PTPRN2: variants seen among roughly 807,000 people sequenced by gnomAD.
PTPRN2 encodes receptor-type tyrosine-protein phosphatase N2.
In PTPRN2, 74 loss-of-function variants were observed where a neutral mutation model predicts 118.8. The ratio of observed to expected loss-of-function variants is 0.62; its 90% CI spans 0.52 to 0.76. PTPRN2 has a LOEUF of 0.76. PTPRN2 is among the 30% of genes least tolerant of loss of function. The probability of loss-of-function intolerance (pLI) is 0.00; values close to 1 mark genes in which losing one functional copy is unlikely to be tolerated. For synonymous variants in PTPRN2, 641 were observed against 608.0 expected (o/e 1.05, Z -0.80); for missense variants, 1,481 against 1,394.4 (o/e 1.06, Z -0.99).
In PTPRN2 at chr7:157,881,623, ATGCGTCTC is replaced by A. The variant is rs1361712244; in HGVS notation, c.1788+17042_1788+17049del. ...AGGCCAAGCCCCTGTGACTGCAGGG[ATGCGTCTC>A]TGCCTACGAGAAAGGAGAGGATTTC... On this transcript the variant is annotated intron_variant, in intron 12 of 22. Transcript: ENST00000389418. The surrounding 1 kb of genome is among the most constrained non-coding windows in gnomAD (Gnocchi z 4.7). Among the ~76,000 whole-genome samples the A allele has an allele frequency of 5.9e-5, 9 of 152,286 alleles. No individual in the cohort carries two copies. In the East Asian group the frequency reaches 1.7e-3, roughly 29 times the overall value.
intron 2 of PTPRN2, among the ~76,000 whole-genome samples, chr7:158,447,157 T>C (rs926738227): frequency 6.6e-6 from 1 of 152,166 alleles, no homozygotes; most frequent in African/African-American, 2.4e-5. Context: ...GACAGAGCCA[T>C]GAATCCACAG....
chr7:157,850,736 T>C (rs1809214437), intron 12 of PTPRN2, among the ~76,000 whole-genome samples: 2 of 152,114 alleles, frequency 1.3e-5, no homozygotes, highest in African/African-American at 4.8e-5. Context: ...GCAGGGCAGG[T>C]GCAGGCTGGG....
Position 158,133,995 on chromosome 7 carries a change from C to G in PTPRN2, c.1238G>C (p.Gly413Ala). ...LQDHGSRLLP[G>A]ALPFARPLDM... Reference sequence around the variant, plus strand: ...GAGGGGCCTTGCAAAGGGGAGGGCTCCAGGTAAGAGTCGAGACCCGTGGTC... The same window carrying G: ...GAGGGGCCTTGCAAAGGGGAGGGCTGCAGGTAAGAGTCGAGACCCGTGGTC... The change falls in exon 9 of 23, where the codon GGA (glycine) becomes GCA (alanine). Residue 413 changes from glycine (G) to alanine (A), a missense_variant. Gly to Ala is a moderately conservative substitution (Grantham distance 60). Around this residue, in one of 3 missense-constraint regions of PTPRN2, gnomAD observed 1,115 missense variants for 994.2 expected, o/e 1.12. Coordinates refer to ENST00000389418, the MANE Select transcript of PTPRN2 (RefSeq NM_002847.5). 1 of 1,613,992 alleles carries G rather than the reference C, an allele frequency of 6.2e-7. No individual in the cohort carries two copies. Among genetic ancestry groups the G allele is most frequent in the East Asian group, 2.2e-5 (1 of 44,876 alleles).
chr7:158,368,754 C>T (rs1046360763), intron 2 of PTPRN2, among the ~76,000 whole-genome samples: 1 of 152,180 alleles, frequency 6.6e-6, no homozygotes, highest in Non-Finnish European at 1.5e-5. Flanking sequence ...CCACCATCCT[C>T]GACCCCCCAA....
chr7:157,581,102 C>G (rs929535789), intron 17 of PTPRN2, among the ~76,000 whole-genome samples: 2 of 150,642 alleles, frequency 1.3e-5, no homozygotes, highest in Middle Eastern at 3.2e-3. Flanking sequence ...CACTCCAGCA[C>G]CTGCACACCC....
At chr7:157,604,817 A>G (rs1801904054) in intron 15 of PTPRN2, among the ~76,000 whole-genome samples, 1 of 152,192 alleles carries the variant, frequency 6.6e-6, no homozygotes, top group South Asian at 2.1e-4. Flanking sequence ...CGTGTGTGAT[A>G]TGAGAGCTGT....
At chr7:158,017,934 A>G (rs1806568089) in intron 11 of PTPRN2, among the ~76,000 whole-genome samples, 1 of 152,132 alleles carries the variant, frequency 6.6e-6, no homozygotes, top group Admixed American at 6.5e-5. Flanking sequence ...GCCTCTGCTC[A>G]GAGATGGTCA....
At chr7:158,260,289 G>T (rs1426306321) in intron 3 of PTPRN2, among the ~76,000 whole-genome samples, 1 of 152,196 alleles carries the variant, frequency 6.6e-6, no homozygotes, top group African/African-American at 2.4e-5. Context: ...AAGTCAGCTA[G>T]CTTGACAAAA....
intron 12 of PTPRN2, among the ~76,000 whole-genome samples, chr7:157,814,890 G>A (rs1011996908): frequency 6.6e-6 from 1 of 152,206 alleles, no homozygotes; most frequent in African/African-American, 2.4e-5. Flanking sequence ...AGAAGCGCAC[G>A]AGTCCCAGAT....
At chr7:158,120,689 C>A (rs1817092320) in intron 9 of PTPRN2, among the ~76,000 whole-genome samples, 1 of 152,224 alleles carries the variant, frequency 6.6e-6, no homozygotes, top group East Asian at 1.9e-4. Flanking sequence ...CAGATGTCCT[C>A]TCTTTTCCTG....
chr7:158,081,677 TAGAGAA>T (rs1812855503), intron 10 of PTPRN2, among the ~76,000 whole-genome samples: 1 of 152,156 alleles, frequency 6.6e-6, no homozygotes, highest in African/African-American at 2.4e-5. Flanking sequence ...ATATTCTTGC[TAGAGAA>T]AAAGAAAAGT....
In PTPRN2 at chr7:157,627,849, T is replaced by A. The variant is rs1803678366; in HGVS notation, c.2197-6340A>T. ...GACGTAGATCCCAGAGCACACGACATCCACACCACAGCAGCTGAAGATGTG... is the reference window on the plus strand; with the variant it reads ...GACGTAGATCCCAGAGCACACGACAACCACACCACAGCAGCTGAAGATGTG... On this transcript the variant is annotated intron_variant, in intron 14 of 22. Transcript: ENST00000389418. The surrounding 1 kb of genome is among the most constrained non-coding windows in gnomAD (Gnocchi z 4.2). 6.6e-6 allele frequency among the ~76,000 whole-genome samples: 1 copy of A among 152,162 alleles called. No individual in the cohort carries two copies. Among genetic ancestry groups the A allele is most frequent in the Non-Finnish European group, 1.5e-5 (1 of 68,038 alleles).
chr7:157,996,233 C>T lies in PTPRN2; in HGVS notation c.1723+85065G>A, dbSNP rs77505720. Among the ~76,000 whole-genome samples the T allele has an allele frequency of 5.2e-3, 796 of 152,284 alleles. 11 individuals carry two copies. The highest frequency in any genetic ancestry group is 0.018 in the African/African-American group (756 of 41,546). ...ATTTAAGTGGGAGCCAAATTACATG[C>T]GTGCATGGATGTAGCACATGGGACA... On this transcript the variant is annotated intron_variant, in intron 11 of 22. Transcript: ENST00000389418.
At chr7:157,668,337 T>C (rs1796243085) in intron 13 of PTPRN2, among the ~76,000 whole-genome samples, 1 of 152,190 alleles carries the variant, frequency 6.6e-6, no homozygotes, top group Non-Finnish European at 1.5e-5. Context: ...CATTCTTGAA[T>C]TCTGCCAAAA....
At chr7:157,669,978 G>A (rs953320149) in intron 13 of PTPRN2, among the ~76,000 whole-genome samples, 2 of 152,176 alleles carry the variant, frequency 1.3e-5, no homozygotes, top group Non-Finnish European at 2.9e-5. Context: ...TCTACGTGGT[G>A]CAGAGGGGCC....
intron 2 of PTPRN2, among the ~76,000 whole-genome samples, chr7:158,404,345 G>T (rs4909212): frequency 0.44 from 66,908 of 151,896 alleles, 15,912 homozygotes; most frequent in East Asian, 0.75. Flanking sequence ...ATGCTGAGGA[G>T]ACAGAGATTC....
chr7:157,707,587 T>TC (rs1302935653), intron 12 of PTPRN2, among the ~76,000 whole-genome samples: 1 of 138,328 alleles, frequency 7.2e-6, no homozygotes, highest in Non-Finnish European at 1.6e-5. Context: ...CCTTTTTTTT[T>TC]CTTTTTTTTT....
chr7:157,678,461 G>A (rs191252159), intron 13 of PTPRN2, among the ~76,000 whole-genome samples: 115 of 152,298 alleles, frequency 7.6e-4, no homozygotes, highest in South Asian at 4.4e-3. Context: ...GAACCAAGGC[G>A]TGACCTGTGC....
chr7:158,469,612 C>T (rs1311429880), intron 2 of PTPRN2, among the ~76,000 whole-genome samples: 1 of 152,136 alleles, frequency 6.6e-6, no homozygotes, highest in African/African-American at 2.4e-5. Context: ...ACCGAGCACT[C>T]GCTCGAGAGC....
Sources: gnomAD v4.1 joint callset for allele counts (sites outside exome capture counted in the v4.1 genomes callset) on GRCh38, gnomAD v4.1.1 for gene constraint, gnomAD v4.1.1 regional missense constraint, Gnocchi (gnomAD v3.1) non-coding constraint, MANE v1.5 for transcripts, NCBI Gene and HGNC (gene_info 2026-07-23, HGNC 2026-07-21) for gene names.